The following BARX2 variants were observed in gnomAD, a reference collection of about 807,000 sequenced individuals.
The protein encoded by BARX2 is BARX homeobox 2.
In BARX2, 11 loss-of-function variants were observed where a neutral mutation model predicts 25.5. That is an observed-to-expected ratio of 0.43 (90% CI 0.27 to 0.71). BARX2 has a LOEUF of 0.71. Among genes scored for constraint, BARX2 ranks in the 30% least tolerant of loss-of-function variants. The pLI is 0.19. For synonymous variants in BARX2, 137 were observed against 149.5 expected (o/e 0.92, Z 0.61); for missense variants, 360 against 359.9 (o/e 1.00, Z 0.00).
In BARX2 at chr11:129,408,010, G is replaced by T. The variant is rs144228023; in HGVS notation, c.188-28741G>T. ...AGGTAAGGAGATTGAGACAGAGCCA[G>T]ACTCCGTCTCAAAAAAAAAAAAAAA... On this transcript the variant is annotated intron_variant, in intron 1 of 3. Transcript: ENST00000281437. 2.6e-4 allele frequency among the ~76,000 whole-genome samples: 27 copies of T among 105,318 alleles called. No individual in the cohort carries two copies. The East Asian group carries it at 8.4e-3, about 33-fold the overall frequency. 69.1% of individuals were successfully genotyped at this position (105,318 alleles called of 152,430 possible). A position where few individuals can be genotyped will look rare whatever the true frequency, so the allele number is the denominator to read the frequency against.
intron 1 of BARX2, among the ~76,000 whole-genome samples, chr11:129,399,481 C>G (rs1290699201): frequency 6.6e-6 from 1 of 152,186 alleles, no homozygotes; most frequent in Non-Finnish European, 1.5e-5. Context: ...CCTGTCTCAG[C>G]CTCTCCAGCA....
chr11:129,394,463 T>G (rs1437363747), intron 1 of BARX2, among the ~76,000 whole-genome samples: 1 of 152,238 alleles, frequency 6.6e-6, no homozygotes, highest in Non-Finnish European at 1.5e-5. Context: ...GATGTAGTTT[T>G]TATTTTAGGA....
At chr11:129,437,108 G>A in intron 2 of BARX2, 57 bp downstream of exon 2, 2 of 1,465,464 alleles carry the variant, frequency 1.4e-6, no homozygotes, top group Non-Finnish European at 9.1e-7. Context: ...CGGGAGACTT[G>A]CTCCCATTGT....
rs538285369 is a variant in BARX2, at chr11:129,448,023, G to A, written c.574-3113G>A. Among the ~76,000 whole-genome samples, 45 of 152,272 alleles carry A rather than the reference G, an allele frequency of 3.0e-4. No homozygotes were observed. The South Asian group carries it at 8.5e-3, about 29-fold the overall frequency. ...TGTCAGCATCTCTACCTCGTTAAAG[G>A]TCCCCTTAATATCTGTGTGTTAGCT... On this transcript the variant is annotated intron_variant, in intron 3 of 3. Coordinates refer to ENST00000281437, the MANE Select transcript of BARX2 (RefSeq NM_003658.5).
intron 1 of BARX2, among the ~76,000 whole-genome samples, chr11:129,418,109 T>G (rs1288207912): frequency 6.6e-6 from 1 of 152,218 alleles, no homozygotes; most frequent in African/African-American, 2.4e-5. Context: ...CACTTTGTTT[T>G]GTACCACATT....
intron 1 of BARX2, among the ~76,000 whole-genome samples, chr11:129,395,311 C>G (rs1389273265): frequency 6.6e-6 from 1 of 152,194 alleles, no homozygotes; most frequent in African/African-American, 2.4e-5. Context: ...TCATACAACT[C>G]TGCTGTCGCC....
chr11:129,411,229 G>A (rs1434814320), intron 1 of BARX2, among the ~76,000 whole-genome samples: 1 of 152,048 alleles, frequency 6.6e-6, no homozygotes, highest in African/African-American at 2.4e-5. Context: ...AAATTAGCCG[G>A]GCGTGGTGGC....
At chr11:129,380,832 A>G (rs1263460849) in intron 1 of BARX2, among the ~76,000 whole-genome samples, 1 of 150,612 alleles carries the variant, frequency 6.6e-6, no homozygotes, top group Non-Finnish European at 1.5e-5. Flanking sequence ...TTTTTCTTCC[A>G]ATAGCGGGAT....
At chr11:129,382,505 G>A (rs752540753) in intron 1 of BARX2, among the ~76,000 whole-genome samples, 3 of 152,280 alleles carry the variant, frequency 2.0e-5, no homozygotes, top group Admixed American at 6.5e-5. Context: ...TACTGAGCTC[G>A]TGAACGTGCA....
At chr11:129,400,773 T>C (rs1287715923) in intron 1 of BARX2, among the ~76,000 whole-genome samples, 1 of 152,020 alleles carries the variant, frequency 6.6e-6, no homozygotes, top group Non-Finnish European at 1.5e-5. Context: ...AGGCAAGAGA[T>C]GACCCAGGGC....
At position 129,425,829 on chromosome 11, in the gene BARX2, C is replaced by A. The variant is rs140563171; in HGVS notation, c.188-10922C>A. Among the ~76,000 whole-genome samples, 23 of 152,280 alleles carry A rather than the reference C, an allele frequency of 1.5e-4. No homozygotes were observed. The East Asian group carries it at 4.4e-3, about 29-fold the overall frequency. On this transcript the variant is annotated intron_variant, in intron 1 of 3. Transcript: ENST00000281437. ...TTTTTCTAAATCTCCCCAATCTTTT[C>A]TCCCCACTCCACCTCTCTGCCCTTT...
intron 1 of BARX2, among the ~76,000 whole-genome samples, chr11:129,420,897 T>C (rs1382867813): frequency 1.3e-5 from 2 of 152,176 alleles, no homozygotes; most frequent in African/African-American, 4.8e-5. Flanking sequence ...GTAATATTAG[T>C]CATAAAATCA....
At chr11:129,430,153 G>A (rs1037385858) in intron 1 of BARX2, among the ~76,000 whole-genome samples, 1 of 152,134 alleles carries the variant, frequency 6.6e-6, no homozygotes, top group Admixed American at 6.5e-5. Flanking sequence ...AATTCCCCAG[G>A]AGACTCCCAG....
At chr11:129,433,609 A>G (rs867033415) in intron 1 of BARX2, among the ~76,000 whole-genome samples, 9 of 152,128 alleles carry the variant, frequency 5.9e-5, no homozygotes, top group Middle Eastern at 3.4e-3. Flanking sequence ...ACCCATGCTC[A>G]TTCGGCCTTT....
Position 129,436,752 on chromosome 11 carries a change from C to T in BARX2, c.189C>T (p.Gly63=), listed in dbSNP as rs1862193394. The change falls in exon 2 of 4, where the codon GGC becomes GGT. Residue 63 remains glycine, a splice_region_variant and synonymous_variant. Coordinates refer to ENST00000281437, the MANE Select transcript of BARX2 (RefSeq NM_003658.5). This position sits in a 1 kb window ranked among gnomAD's most constrained non-coding sequence, Gnocchi z 4.5. ...CCTGCCTCCCTGCTTGTTTTCCAGG[C>T]TCCCCTTCCCTGCGGGCATATCCGC... ...VRPKPLHSCT[G]SPSLRAYPLL... is the part of the protein sequence containing the mutation. 1.9e-6 allele frequency: 3 copies of T among 1,561,910 alleles called. No individual in the cohort carries two copies. Among genetic ancestry groups the T allele is most frequent in the African/African-American group, 1.4e-5 (1 of 73,434 alleles).
intron 1 of BARX2, among the ~76,000 whole-genome samples, chr11:129,397,715 C>G (rs935445902): frequency 6.6e-6 from 1 of 152,298 alleles, no homozygotes; most frequent in South Asian, 2.1e-4. Context: ...TACGCAGTTA[C>G]CAGAATCATA....
In BARX2 at chr11:129,380,218, A is replaced by G. The variant is rs143638744; in HGVS notation, c.187+3996A>G. ...TGCAGTCACACCCAGGGGACAGTCA[A>G]CCAGCCAGTTAGAAGGGACATTTGG... On this transcript the variant is annotated intron_variant, in intron 1 of 3. Coordinates refer to ENST00000281437, the MANE Select transcript of BARX2 (RefSeq NM_003658.5). Among the ~76,000 whole-genome samples the G allele has an allele frequency of 2.8e-3, 422 of 152,224 alleles. 3 individuals are homozygous for G. The highest frequency in any genetic ancestry group is 9.6e-3 in the African/African-American group (398 of 41,528).
chr11:129,377,299 T>G (rs1394927542), intron 1 of BARX2, among the ~76,000 whole-genome samples: 1 of 152,222 alleles, frequency 6.6e-6, no homozygotes, highest in Non-Finnish European at 1.5e-5. Context: ...GCTCAATGCG[T>G]GGAATCCTGT....
chr11:129,404,406 G>T (rs763021403), intron 1 of BARX2, among the ~76,000 whole-genome samples: 2 of 152,194 alleles, frequency 1.3e-5, no homozygotes, highest in Non-Finnish European at 2.9e-5. Context: ...CCAATTAAGA[G>T]GGTGACACAT....
Sources: gnomAD v4.1 joint callset for allele counts (sites outside exome capture counted in the v4.1 genomes callset) on GRCh38, gnomAD v4.1.1 for gene constraint, Gnocchi (gnomAD v3.1) non-coding constraint, MANE v1.5 for transcripts, NCBI Gene and HGNC (gene_info 2026-07-23, HGNC 2026-07-21) for gene names.